The following GABRB2 variants were observed in gnomAD, a reference collection of about 807,000 sequenced individuals.
The protein encoded by GABRB2 is gamma-aminobutyric acid type A receptor subunit beta2.
A neutral mutation model predicts 54.7 loss-of-function variants in GABRB2; 16 were observed. The ratio of observed to expected loss-of-function variants is 0.29; its 90% confidence interval spans 0.20 to 0.44. The LOEUF is 0.44. Ranked by LOEUF, GABRB2 falls within the 20% of genes least tolerant of loss-of-function variation. The probability of loss-of-function intolerance (pLI) is 1.00; values close to 1 mark genes in which losing one functional copy is unlikely to be tolerated. For synonymous variants in GABRB2, 244 were observed against 233.8 expected, an observed-to-expected ratio of 1.04 and a Z score of -0.40; for missense variants, 355 against 644.0, an observed-to-expected ratio of 0.55 and a Z score of 4.86.
rs1263019371 is a variant in GABRB2 at position 161,463,551 on chromosome 5, TTATTTATATATATATATATATATA to T, written c.238-3731_238-3708del. ...GTTGACAAGGTGATTCCAAATATTT[TTATTTATATATATATATATATATA>T]TATATATATATATATATATATATAT... On this transcript the variant is annotated intron_variant, in intron 3 of 9. Coordinates refer to ENST00000393959, the MANE Select transcript of GABRB2 (RefSeq NM_001371727.1). Among the ~76,000 whole-genome samples the T allele has an allele frequency of 8.3e-4, 25 of 30,258 alleles. No individual in the cohort carries two copies. The Admixed American group carries it at 8.6e-3, about 10-fold the overall frequency. The allele number at this position is 30,258 out of a possible 152,430, so 19.9% of individuals were successfully genotyped here.
chr5:161,388,121 C>A (rs1304708027), intron 5 of GABRB2, among the ~76,000 whole-genome samples: 2 of 152,086 alleles, frequency 1.3e-5, no homozygotes, highest in Non-Finnish European at 2.9e-5. Flanking sequence ...TTCCAACAAT[C>A]CATGGGAAGA....
At chr5:161,488,858 C>T (rs1157099165) in intron 3 of GABRB2, among the ~76,000 whole-genome samples, 1 of 151,694 alleles carries the variant, frequency 6.6e-6, no homozygotes, top group Non-Finnish European at 1.5e-5. Flanking sequence ...GGTGTCATTC[C>T]TAGCTAGGAA....
rs1054008441 is a variant in GABRB2, at chr5:161,288,521, T to C, written c.*5560A>G. The C allele has an allele frequency of 6.6e-6, 1 of 152,614 alleles. No individual in the cohort carries two copies. The highest frequency in any genetic ancestry group is 2.4e-5 in the African/African-American group (1 of 41,448). 9.5% of individuals were successfully genotyped at this position (152,614 alleles called of 1,614,324 possible). A position where few individuals can be genotyped will look rare whatever the true frequency, so the allele number is the denominator to read the frequency against. ...ATTTACATGCTGAAACTGGCTGCAA[T>C]AAGTTTAAATTCAAGAAAATAATTC... On this transcript the variant is annotated 3_prime_UTR_variant, in exon 10 of 10. Coordinates refer to ENST00000393959, the MANE Select transcript of GABRB2 (RefSeq NM_001371727.1).
chr5:161,375,694 A>G (rs1037246145), intron 5 of GABRB2, among the ~76,000 whole-genome samples: 3 of 152,198 alleles, frequency 2.0e-5, no homozygotes, highest in African/African-American at 7.2e-5. Flanking sequence ...TCAGTTCTGT[A>G]AACCTCCATT....
At chr5:161,374,087 G>A (rs576135701) in intron 5 of GABRB2, among the ~76,000 whole-genome samples, 6 of 152,230 alleles carry the variant, frequency 3.9e-5, no homozygotes, top group Admixed American at 1.3e-4. Context: ...TAGGATTACA[G>A]GCATGTGCCA....
chr5:161,382,366 G>A (rs991633857), intron 5 of GABRB2, among the ~76,000 whole-genome samples: 1 of 152,128 alleles, frequency 6.6e-6, no homozygotes, highest in Admixed American at 6.6e-5. Context: ...CAGAATTGAA[G>A]CTTCTCCCTG....
chr5:161,380,023 C>T (rs973651567), intron 5 of GABRB2, among the ~76,000 whole-genome samples: 4 of 152,110 alleles, frequency 2.6e-5, no homozygotes, highest in Non-Finnish European at 5.9e-5. Flanking sequence ...TCATTCAATT[C>T]CCTTATAAAA....
At chr5:161,481,014 CAT>C (rs1758746968) in intron 3 of GABRB2, among the ~76,000 whole-genome samples, 1 of 151,948 alleles carries the variant, frequency 6.6e-6, no homozygotes, top group Non-Finnish European at 1.5e-5. Flanking sequence ...ACGAAAAACT[CAT>C]ATGAACACTA....
chr5:161,530,197 G>T, intron 3 of GABRB2, among the ~76,000 whole-genome samples: 1 of 152,064 alleles, frequency 6.6e-6, no homozygotes, highest in South Asian at 2.1e-4. Flanking sequence ...TTTTTTAAGG[G>T]AGAACATGAA....
chr5:161,292,440 T>C lies in GABRB2; in HGVS notation c.*1641A>G, dbSNP rs200538581. 1.2e-4 allele frequency: 18 copies of C among 152,332 alleles called. No individual in the cohort carries two copies. The East Asian group carries it at 3.1e-3, about 26-fold the overall frequency. 9.4% of individuals were successfully genotyped at this position (152,332 alleles called of 1,614,324 possible). ...TAAGAAAAGCAAAATATGAGCCTTA[T>C]ATTGATAGAAGGAAGACATATTAGC... On this transcript the variant is annotated 3_prime_UTR_variant, in exon 10 of 10. Coordinates refer to ENST00000393959, the MANE Select transcript of GABRB2 (RefSeq NM_001371727.1).
At chr5:161,332,143 G>A (rs1384910887) in intron 7 of GABRB2, among the ~76,000 whole-genome samples, 5 of 125,594 alleles carry the variant, frequency 4.0e-5, no homozygotes, top group Non-Finnish European at 7.8e-5. Flanking sequence ...TCCCGCCTGG[G>A]CCACACAGCA....
intron 5 of GABRB2, among the ~76,000 whole-genome samples, chr5:161,380,979 A>G (rs1034119949): frequency 7.9e-5 from 12 of 152,318 alleles, no homozygotes; most frequent in African/African-American, 2.9e-4. Context: ...CATAGACCCT[A>G]TCATGGAGCT....
chr5:161,355,725 A>C (rs1437099601), intron 5 of GABRB2, among the ~76,000 whole-genome samples: 1 of 152,038 alleles, frequency 6.6e-6, no homozygotes, highest in Non-Finnish European at 1.5e-5. Context: ...AAAGGATCTG[A>C]CTCAAACCAT....
intron 3 of GABRB2, among the ~76,000 whole-genome samples, chr5:161,497,982 T>A (rs1421425432): frequency 6.6e-6 from 1 of 152,146 alleles, no homozygotes. Flanking sequence ...TAAAAGAGAG[T>A]GAAATGTTTC....
At chr5:161,493,630 T>C (rs71605497) in intron 3 of GABRB2, among the ~76,000 whole-genome samples, 2,369 of 151,846 alleles carry the variant, frequency 0.016, 29 homozygotes, top group East Asian at 0.024. Flanking sequence ...CTTTATACCA[T>C]TGATTCCAAC....
At chr5:161,426,401 A>G (rs1324160535) in intron 4 of GABRB2, among the ~76,000 whole-genome samples, 3 of 152,160 alleles carry the variant, frequency 2.0e-5, no homozygotes, top group Non-Finnish European at 2.9e-5. Context: ...AGGGTGGTAC[A>G]TGCAAATCAG....
Position 161,516,703 on chromosome 5 carries a change from C to T in GABRB2, c.237+28524G>A, listed in dbSNP as rs867054526. On this transcript the variant is annotated intron_variant, in intron 3 of 9. Transcript: ENST00000393959. Reference sequence around the variant, plus strand: ...ATGGATTTTATTATTGTAAGTTTCACTGTCTGGCACATTTCACCAAATGCT... The same window carrying T: ...ATGGATTTTATTATTGTAAGTTTCATTGTCTGGCACATTTCACCAAATGCT... Among the ~76,000 whole-genome samples, 3 of 152,264 alleles carry T rather than the reference C, an allele frequency of 2.0e-5. No homozygotes were observed. In the South Asian group the frequency reaches 6.2e-4, roughly 32 times the overall value.
In GABRB2 at chr5:161,321,099, A is replaced by G. The variant is rs886520894; in HGVS notation, c.1191+5269T>C. 2.0e-5 allele frequency among the ~76,000 whole-genome samples: 3 copies of G among 152,158 alleles called. No homozygotes were observed. In the South Asian group the frequency reaches 6.2e-4, roughly 32 times the overall value. ...TTTTCTCAGGTAGAATCTACTTTTA[A>G]GCAGATGTCCCAAGTGACTCTAGGT... On this transcript the variant is annotated intron_variant, in intron 9 of 9. Transcript: ENST00000393959.
intron 3 of GABRB2, among the ~76,000 whole-genome samples, chr5:161,504,796 A>T (rs1759554178): frequency 1.5e-5 from 2 of 134,328 alleles, no homozygotes; most frequent in Non-Finnish European, 3.4e-5. Flanking sequence ...GAAAGGAATT[A>T]AAAAAAAAAA....
Sources: allele counts gnomAD v4.1 joint callset (sites outside exome capture counted in the v4.1 genomes callset), GRCh38; gene constraint gnomAD v4.1.1; transcripts MANE v1.5; gene names NCBI Gene and HGNC (gene_info 2026-07-23, HGNC 2026-07-21).